Variants in AHCTF1 observed in about 807,000 individuals in gnomAD.
AHCTF1 encodes the protein AT-hook containing transcription factor 1.
AHCTF1 carries 24 observed loss-of-function variants against 248.4 expected under a neutral mutation model. The observed-to-expected ratio is 0.10, with a 90% CI of 0.07 to 0.14. The LOEUF is 0.14. Among genes scored for constraint, AHCTF1 ranks in the 10% least tolerant of loss-of-function variants. AHCTF1 has a pLI of 1.00. For synonymous variants in AHCTF1, 786 were observed against 929.8 expected, an observed-to-expected ratio of 0.85 and a Z score of 2.81; for missense variants, 2,206 against 2,636.2, an observed-to-expected ratio of 0.84 and a Z score of 3.57.
rs1269662446 is a variant in AHCTF1, at chr1:246,849,984, T to C, written c.6022A>G (p.Arg2008Gly). Reference protein sequence around the residue: ...KKKEAPSIRRRSTRNTPAKSE... With the variant: ...KKKEAPSIRRGSTRNTPAKSE... The stretch of plus-strand genomic sequence containing the variant: ...TTAGCTGGGGTATTTCTTGTAGATC[T>C]CCTTCTAATGCTGGGAGCTTCTTTC... Residue 2008 changes from arginine to glycine, a missense_variant, in exon 33 of 36, where the codon AGA (arginine) becomes GGA (glycine). Arg to Gly is a moderately radical substitution (Grantham distance 125). Around this residue, in one of 6 missense-constraint regions of AHCTF1, gnomAD observed 469 missense variants for 470.0 expected, o/e 1.00. Coordinates refer to ENST00000648844, the MANE Select transcript of AHCTF1 (RefSeq NM_001323342.2). 1.2e-6 allele frequency: 2 copies of C among 1,614,008 alleles called. No individual in the cohort carries two copies. The highest frequency in any genetic ancestry group is 4.5e-5 in the East Asian group (2 of 44,884).
intron 1 of AHCTF1, among the ~76,000 whole-genome samples, chr1:246,927,697 T>C (rs774613906): frequency 1.1e-4 from 16 of 152,200 alleles, no homozygotes; most frequent in Admixed American, 4.6e-4. Context: ...AACGTTCTAC[T>C]GGCTTTGAAT....
chr1:246,880,584 A>T (rs1663328906), intron 21 of AHCTF1, among the ~76,000 whole-genome samples: 1 of 152,034 alleles, frequency 6.6e-6, no homozygotes, highest in African/African-American at 2.4e-5. Context: ...AAAAAAAAAA[A>T]AAATTCCACT....
intron 3 of AHCTF1, among the ~76,000 whole-genome samples, chr1:246,914,023 T>A (rs1665982531): frequency 6.6e-6 from 1 of 152,214 alleles, no homozygotes; most frequent in Non-Finnish European, 1.5e-5. Context: ...GCTCTGGCAG[T>A]CACTGGATCA....
At chr1:246,905,353 C>G (rs901171471) in intron 6 of AHCTF1, among the ~76,000 whole-genome samples, 188 bp downstream of exon 6, 8 of 152,084 alleles carry the variant, frequency 5.3e-5, no homozygotes, top group Admixed American at 3.3e-4. Context: ...TAAAAATTAG[C>G]CAGGCATGGT....
intron 33 of AHCTF1, among the ~76,000 whole-genome samples, chr1:246,846,064 T>G (rs1660236810): frequency 6.7e-6 from 1 of 149,834 alleles, no homozygotes; most frequent in South Asian, 2.2e-4. Context: ...TTTACTGGGT[T>G]GAAGTGGGAA....
At chr1:246,847,287 C>T (rs1313158461) in intron 33 of AHCTF1, among the ~76,000 whole-genome samples, 3 of 128,672 alleles carry the variant, frequency 2.3e-5, no homozygotes, top group African/African-American at 1.1e-4. Flanking sequence ...CAAACTCCAT[C>T]TCAAAAAAAA....
intron 29 of AHCTF1, among the ~76,000 whole-genome samples, chr1:246,858,177 T>C (rs1311917721): frequency 1.1e-4 from 16 of 151,972 alleles, no homozygotes; most frequent in Non-Finnish European, 1.5e-5. Context: ...GCCAGGATGG[T>C]CTCGATCTCC....
At chr1:246,841,680 CAA>C (rs946383005) in intron 35 of AHCTF1, among the ~76,000 whole-genome samples, 11 of 152,292 alleles carry the variant, frequency 7.2e-5, no homozygotes, top group African/African-American at 2.6e-4. Flanking sequence ...ACTTTCCTGA[CAA>C]AGAGGTAAAC....
At chr1:246,879,431 T>C (rs1558242151) in intron 21 of AHCTF1, among the ~76,000 whole-genome samples, 1 of 152,224 alleles carries the variant, frequency 6.6e-6, no homozygotes. Context: ...TAGGATTTTA[T>C]TCTATAAATT....
At chr1:246,906,282 G>C (rs1307852298) in intron 5 of AHCTF1, among the ~76,000 whole-genome samples, 1 of 152,096 alleles carries the variant, frequency 6.6e-6, no homozygotes, top group Middle Eastern at 3.4e-3. Context: ...ATTCAAAGAC[G>C]AGCTGACAAA....
At chr1:246,851,469 G>A (rs1432105073) in intron 32 of AHCTF1, 27 bp from the exon 33 acceptor site, 2 of 1,557,120 alleles carry the variant, frequency 1.3e-6, no homozygotes, top group Non-Finnish European at 1.7e-6. Flanking sequence ...TAAGAGACTG[G>A]TTAAAGAATT....
At chr1:246,913,616 G>A (rs541603466) in intron 3 of AHCTF1, among the ~76,000 whole-genome samples, 5 of 152,228 alleles carry the variant, frequency 3.3e-5, no homozygotes, top group South Asian at 2.1e-4. Flanking sequence ...GAAAAATCAC[G>A]CAGTTGGACT....
At chr1:246,911,419 TAATC>T (rs1042549733) in intron 4 of AHCTF1, among the ~76,000 whole-genome samples, 1 of 152,018 alleles carries the variant, frequency 6.6e-6, no homozygotes, top group African/African-American at 2.4e-5. Flanking sequence ...AAAATTTTAT[TAATC>T]AATCAGGTTT....
At chr1:246,901,186 C>G (rs1011816908) in intron 8 of AHCTF1, among the ~76,000 whole-genome samples, 1 of 151,994 alleles carries the variant, frequency 6.6e-6, no homozygotes, top group Non-Finnish European at 1.5e-5. Context: ...CAAAAAAATA[C>G]AAAAATTAGC....
chr1:246,844,288 G>C (rs1452048095), intron 33 of AHCTF1, among the ~76,000 whole-genome samples: 2 of 152,196 alleles, frequency 1.3e-5, no homozygotes. Flanking sequence ...ACCTGAGCTA[G>C]TCTGTGCCAT....
At chr1:246,896,386 GGATGAAGTACT>G (rs1389020779) in intron 12 of AHCTF1, among the ~76,000 whole-genome samples, 1 of 152,072 alleles carries the variant, frequency 6.6e-6, no homozygotes, top group Non-Finnish European at 1.5e-5. Context: ...CCATAAAAGG[GGATGAAGTACT>G]GATACTTGCT....
Position 246,843,946 on chromosome 1 carries a change from A to G in AHCTF1, c.6392-18T>C. On this transcript the variant is annotated intron_variant, in intron 33 of 35. Coordinates refer to ENST00000648844, the MANE Select transcript of AHCTF1 (RefSeq NM_001323342.2). ...TTTTTTAGCTAAAAAAAGTTGAAAA[A>G]ACTGTATCTGTATCTTTATATATGT... The G allele has an allele frequency of 7.1e-7, 1 of 1,408,386 alleles. No homozygotes were observed. The highest frequency in any genetic ancestry group is 1.9e-5 in the South Asian group (1 of 53,786). 87.2% of individuals were successfully genotyped at this position (1,408,386 alleles called of 1,614,324 possible). A position where few individuals can be genotyped will look rare whatever the true frequency, so the allele number is the denominator to read the frequency against.
chr1:246,906,299 G>C (rs555655328), intron 5 of AHCTF1, among the ~76,000 whole-genome samples: 1 of 152,254 alleles, frequency 6.6e-6, no homozygotes, highest in East Asian at 1.9e-4. Flanking sequence ...CAAACTGGCA[G>C]CCGGGCGTGG....
At chr1:246,907,969 TTA>T (rs1558268422) in intron 4 of AHCTF1, among the ~76,000 whole-genome samples, 2 of 152,316 alleles carry the variant, frequency 1.3e-5, no homozygotes, top group Admixed American at 1.3e-4. Flanking sequence ...ACACATTCAA[TTA>T]TATAATATTT....
Sources: allele counts gnomAD v4.1 joint callset (sites outside exome capture counted in the v4.1 genomes callset), GRCh38; gene constraint gnomAD v4.1.1; regional missense constraint gnomAD v4.1.1; transcripts MANE v1.5; gene names NCBI Gene and HGNC (gene_info 2026-07-23, HGNC 2026-07-21).